Variants in TTLL5 observed in about 807,000 individuals in gnomAD.
TTLL5 encodes tubulin polyglutamylase TTLL5.
Under a neutral mutation model 168.4 loss-of-function variants are expected in TTLL5, and 132 were observed. That is an observed-to-expected ratio of 0.78 (90% CI 0.68 to 0.91). The LOEUF (loss-of-function observed/expected upper bound fraction) is 0.91. Ranked by LOEUF, TTLL5 falls within the 40% of genes least tolerant of loss-of-function variation. The pLI is 0.00. For synonymous variants in TTLL5, 546 were observed against 558.6 expected (o/e 0.98, Z 0.32); for missense variants, 1,545 against 1,581.5 (o/e 0.98, Z 0.39).
At chr14:75,801,125 G>A (rs573975652) in intron 27 of TTLL5, among the ~76,000 whole-genome samples, 43 of 152,270 alleles carry the variant, frequency 2.8e-4, no homozygotes, top group African/African-American at 1.0e-3. Flanking sequence ...ACCAGGACAG[G>A]TAGAGAAAGA....
intron 27 of TTLL5, among the ~76,000 whole-genome samples, chr14:75,804,698 T>C (rs1451296180): frequency 6.6e-6 from 1 of 152,188 alleles, no homozygotes; most frequent in Non-Finnish European, 1.5e-5. Context: ...CAGGAAAGGG[T>C]AAATAGAAAA....
In TTLL5 at chr14:75,732,431, C is replaced by A. The variant is rs1199316610; in HGVS notation, c.1124+12C>A. ...CCTTCTTTGGCCTGGTAAGTCAGTT[C>A]CATCAACTAAAAAAGGACAAATCTT... On this transcript the variant is annotated intron_variant, in intron 13 of 31. Coordinates refer to ENST00000298832, the MANE Select transcript of TTLL5 (RefSeq NM_015072.5). The A allele has an allele frequency of 6.2e-7, 1 of 1,610,894 alleles. No homozygotes were observed. Among genetic ancestry groups the A allele is most frequent in the East Asian group, 2.2e-5 (1 of 44,792 alleles).
intron 27 of TTLL5, among the ~76,000 whole-genome samples, chr14:75,801,913 AG>A (rs1893346698): frequency 6.6e-6 from 1 of 152,188 alleles, no homozygotes; most frequent in Non-Finnish European, 1.5e-5. Context: ...GAAAGTGGTG[AG>A]AGTTCTGCTC....
intron 12 of TTLL5, among the ~76,000 whole-genome samples, chr14:75,723,526 T>G (rs1264013751): frequency 6.6e-6 from 1 of 152,214 alleles, no homozygotes; most frequent in African/African-American, 2.4e-5. Context: ...GGCTCTTATA[T>G]GAGGGTAAAT....
At chr14:75,834,103 C>T (rs1405562529) in intron 28 of TTLL5, among the ~76,000 whole-genome samples, 3 of 152,116 alleles carry the variant, frequency 2.0e-5, no homozygotes, top group African/African-American at 7.2e-5. Context: ...GAATAAGTCA[C>T]AGTACAAAAA....
intron 7 of TTLL5, among the ~76,000 whole-genome samples, chr14:75,706,623 G>A (rs997997632): frequency 2.0e-5 from 3 of 152,086 alleles, no homozygotes; most frequent in Non-Finnish European, 2.9e-5. Context: ...AATAGTAGTA[G>A]TATTTTTAAA....
intron 6 of TTLL5, among the ~76,000 whole-genome samples, chr14:75,693,087 G>A (rs1885576695): frequency 6.6e-6 from 1 of 152,188 alleles, no homozygotes; most frequent in African/African-American, 2.4e-5. Flanking sequence ...GTAGAAGGGT[G>A]AGCATTTGAA....
At chr14:75,934,482 T>G (rs1306959070) in intron 31 of TTLL5, among the ~76,000 whole-genome samples, 1 of 152,198 alleles carries the variant, frequency 6.6e-6, no homozygotes, top group African/African-American at 2.4e-5. Context: ...ATCTGTAAGA[T>G]AAAAACTTTT....
chr14:75,774,106 T>C (rs1295195479), intron 21 of TTLL5, among the ~76,000 whole-genome samples: 1 of 151,540 alleles, frequency 6.6e-6, no homozygotes, highest in Non-Finnish European at 1.5e-5. Context: ...GGTTAGAGAT[T>C]CCTTATCTCA....
At chr14:75,680,615 A>ATTTTTTT (rs35254410) in intron 3 of TTLL5, among the ~76,000 whole-genome samples, 7 of 102,002 alleles carry the variant, frequency 6.9e-5, no homozygotes, top group African/African-American at 1.2e-4. Context: ...TAGAGCAGGG[A>ATTTTTTT]TTTTTTTTTT....
intron 26 of TTLL5, among the ~76,000 whole-genome samples, chr14:75,784,090 C>T (rs1167124482): frequency 6.6e-6 from 1 of 152,064 alleles, no homozygotes; most frequent in Non-Finnish European, 1.5e-5. Context: ...ATATATATAT[C>T]TATCTTCACA....
In TTLL5 at chr14:75,902,195, C is replaced by T. The variant is rs2032952897; in HGVS notation, c.3794C>T (p.Ala1265Val). ...LNGLQSSLNPAAFVPITSSTD... is the reference protein window; with the variant it reads ...LNGLQSSLNPVAFVPITSSTD... ...GGACTCCAGAGCAGCCTTAACCCTGCAGCCTTTGTGCCCATCACCAGCTCT... is the reference window on the plus strand; with the variant it reads ...GGACTCCAGAGCAGCCTTAACCCTGTAGCCTTTGTGCCCATCACCAGCTCT... The change falls in exon 31 of 32, where the codon GCA becomes GTA. Residue 1265 changes from alanine (A) to valine (V), a missense_variant. By Grantham distance (64) the Ala-to-Val change is moderately conservative. Transcript: ENST00000298832. 4 of 1,614,180 alleles carry T rather than the reference C, an allele frequency of 2.5e-6. No homozygotes were observed. In the South Asian group the frequency reaches 3.3e-5, roughly 13 times the overall value.
At chr14:75,945,166 C>G (rs144438426) in intron 31 of TTLL5, among the ~76,000 whole-genome samples, 1,734 of 150,764 alleles carry the variant, frequency 0.012, 25 homozygotes, top group Non-Finnish European at 0.019. Context: ...ACTTTCCTTC[C>G]TTTTGTTCCT....
chr14:75,820,819 A>G lies in TTLL5; in HGVS notation c.3326+658A>G, dbSNP rs982612109. On this transcript the variant is annotated intron_variant, in intron 28 of 31. Coordinates refer to ENST00000298832, the MANE Select transcript of TTLL5 (RefSeq NM_015072.5). ...TACCCCTGTATTAAAAAAAAAAAAAAAAAGAAATGGATTCCCAGCACATCT... is the reference window on the plus strand; with the variant it reads ...TACCCCTGTATTAAAAAAAAAAAAAGAAAGAAATGGATTCCCAGCACATCT... The G allele has an allele frequency of 3.3e-5, 5 of 153,084 alleles. No individual in the cohort carries two copies. The East Asian group carries it at 5.8e-4, about 18-fold the overall frequency. The allele number at this position is 153,084 out of a possible 1,614,324, so 9.5% of individuals were successfully genotyped here.
chr14:75,688,519 AT>A (rs1194800428), intron 5 of TTLL5, among the ~76,000 whole-genome samples: 1 of 152,202 alleles, frequency 6.6e-6, no homozygotes, highest in Non-Finnish European at 1.5e-5. Flanking sequence ...GCTCTAACAA[AT>A]TAATTGATCC....
chr14:75,790,612 A>C (rs1595046009), intron 26 of TTLL5, among the ~76,000 whole-genome samples: 1 of 151,692 alleles, frequency 6.6e-6, no homozygotes, highest in Admixed American at 6.6e-5. Flanking sequence ...AACTGGGACT[A>C]CAGGCCCATG....
At chr14:75,827,528 G>A (rs1895249048) in intron 28 of TTLL5, among the ~76,000 whole-genome samples, 1 of 152,034 alleles carries the variant, frequency 6.6e-6, no homozygotes, top group Admixed American at 6.6e-5. Flanking sequence ...GATTTGAAAT[G>A]TCACAACATA....
chr14:75,665,865 C>CA lies in TTLL5; in HGVS notation c.74+2649dup, dbSNP rs371783174. Among the ~76,000 whole-genome samples, 719 of 152,160 alleles carry CA rather than the reference C, an allele frequency of 4.7e-3. 5 individuals carry two copies. The highest frequency in any genetic ancestry group is 6.8e-3 in the Middle Eastern group (2 of 294). On this transcript the variant is annotated intron_variant, in intron 2 of 31. Coordinates refer to ENST00000298832, the MANE Select transcript of TTLL5 (RefSeq NM_015072.5). ...AGACTCCGTCTCAAACAAAACAAAA[C>CA]AAAAAAACTGCTGTAATTTTAGATA...
At chr14:75,930,174 A>G (rs2034228175) in intron 31 of TTLL5, among the ~76,000 whole-genome samples, 1 of 152,218 alleles carries the variant, frequency 6.6e-6, no homozygotes, top group Non-Finnish European at 1.5e-5. Context: ...AATTATGCTC[A>G]GCACAATACT....
Sources: allele counts gnomAD v4.1 joint callset (sites outside exome capture counted in the v4.1 genomes callset), GRCh38; gene constraint gnomAD v4.1.1; transcripts MANE v1.5; gene names NCBI Gene and HGNC (gene_info 2026-07-23, HGNC 2026-07-21).